Variants in KRTAP10-7 observed in about 807,000 individuals in gnomAD.
The protein encoded by KRTAP10-7 is keratin-associated protein 10-7.
For missense variants in KRTAP10-7, 394 were observed against 474.3 expected (o/e 0.83, Z 1.57); for synonymous variants, 162 against 199.6 (o/e 0.81, Z 1.59).
At position 44,602,036 on chromosome 21, in the gene KRTAP10-7, C is replaced by T. The variant is rs1209046893; in HGVS notation, c.*302C>T. ...GGGAGAAATGAGGGTAGACAGGTACCAACTGGGTTTCTCGTCACTGTCCCA... is the reference window on the plus strand; with the variant it reads ...GGGAGAAATGAGGGTAGACAGGTACTAACTGGGTTTCTCGTCACTGTCCCA... On this transcript the variant is annotated 3_prime_UTR_variant, in exon 1 of 1. Coordinates refer to ENST00000609664, the MANE Select transcript of KRTAP10-7 (RefSeq NM_198689.3). 3 of 508,196 alleles carry T rather than the reference C, an allele frequency of 5.9e-6. No individual in the cohort carries two copies. Among genetic ancestry groups the T allele is most frequent in the Non-Finnish European group, 1.1e-5 (3 of 279,958 alleles). The allele number at this position is 508,196 out of a possible 1,614,324, so 31.5% of individuals were successfully genotyped here.
In KRTAP10-7 at chr21:44,600,789, C is replaced by T. The variant is rs782438656; in HGVS notation, c.168C>T (p.Val56=). Residue 56 remains valine, a synonymous_variant, in exon 1 of 1, where the codon GTC becomes GTT. Coordinates refer to ENST00000609664, the MANE Select transcript of KRTAP10-7 (RefSeq NM_198689.3). ...CCAPAPCLSL[V]CTPVSYVSSP... ...CCCCGGCCCCCTGCCTGAGCCTGGT[C>T]TGCACCCCAGTGAGCTATGTGTCCA... is the stretch of plus-strand genomic sequence containing the variant. The T allele has an allele frequency of 1.6e-5, 25 of 1,598,994 alleles. 2 individuals carry two copies. Among genetic ancestry groups the T allele is most frequent in the Non-Finnish European group, 2.1e-5 (25 of 1,176,172 alleles).
the KRTAP10-7 span, chr21:44,601,075 C>T: frequency 2.5e-6 from 4 of 1,609,728 alleles, no homozygotes; most frequent in Middle Eastern, 1.7e-4. Flanking sequence ...CTCCCCCTGC[C>T]AGCAGGCCTG....
At position 44,600,659 on chromosome 21, in the gene KRTAP10-7, T is replaced by C; in HGVS notation, c.38T>C (p.Leu13Pro). The change falls in exon 1 of 1, where the codon CTG becomes CCG. Residue 13 changes from leucine (L) to proline (P), a missense_variant. Physicochemically the swap from Leu to Pro is moderately conservative, Grantham distance 98. Transcript: ENST00000609664. Reference sequence around the variant, plus strand: ...ACTATGTCTGTCTGCTCCAGCGACCTGAGCTACGGCAGCCGCGTCTGCCTT... The same window carrying C: ...ACTATGTCTGTCTGCTCCAGCGACCCGAGCTACGGCAGCCGCGTCTGCCTT... ...ASTMSVCSSD[L>P]SYGSRVCLPG... The C allele has an allele frequency of 1.2e-6, 2 of 1,613,798 alleles. No homozygotes were observed. Among genetic ancestry groups the C allele is most frequent in the Non-Finnish European group, 1.7e-6 (2 of 1,179,896 alleles).
rs782431198 is a variant in KRTAP10-7 at position 44,601,286 on chromosome 21, C to A, written c.665C>A (p.Ser222Tyr). The A allele has an allele frequency of 6.2e-7, 1 of 1,609,344 alleles. No individual in the cohort carries two copies. Among genetic ancestry groups the A allele is most frequent in the South Asian group, 1.1e-5 (1 of 90,478 alleles). Residue 222 changes from serine (S) to tyrosine (Y), a missense_variant, in exon 1 of 1, where the codon TCC becomes TAC. Coordinates refer to ENST00000609664, the MANE Select transcript of KRTAP10-7 (RefSeq NM_198689.3). ...SSCKPACCTSSPCQQACCVPV... is the reference protein window; with the variant it reads ...SSCKPACCTSYPCQQACCVPV... The stretch of plus-strand genomic sequence containing the variant: ...TGCAAGCCGGCTTGCTGCACCTCCT[C>A]CCCTTGCCAGCAGGCCTGCTGTGTG...
In KRTAP10-7 at chr21:44,601,281, C is replaced by G. The variant is rs781902497; in HGVS notation, c.660C>G (p.Thr220=). The change falls in exon 1 of 1, where the codon ACC becomes ACG. Residue 220 remains threonine (T), a synonymous_variant. Transcript: ENST00000609664. ...CTAGCTGCAAGCCGGCTTGCTGCAC[C>G]TCCTCCCCTTGCCAGCAGGCCTGCT... ...QQSSCKPACC[T]SSPCQQACCV... 6.2e-6 allele frequency: 10 copies of G among 1,609,172 alleles called. No homozygotes were observed. Among genetic ancestry groups the G allele is most frequent in the Admixed American group, 5.0e-5 (3 of 59,628 alleles).
At position 44,601,451 on chromosome 21, in the gene KRTAP10-7, T is replaced by G. The variant is rs782106365; in HGVS notation, c.830T>G (p.Val277Gly). 1.2e-6 allele frequency: 2 copies of G among 1,610,804 alleles called. No individual in the cohort carries two copies. Among genetic ancestry groups the G allele is most frequent in the Non-Finnish European group, 1.7e-6 (2 of 1,178,800 alleles). ...VPVCCKPVCC[V>G]PVCSGASTSC... ...GTCTGCTGTAAGCCTGTGTGCTGTG[T>G]GCCCGTCTGCTCTGGGGCTTCCACT... The change falls in exon 1 of 1, where the codon GTG (valine) becomes GGG (glycine). Residue 277 changes from valine (V) to glycine (G), a missense_variant. By Grantham distance (109) the Val-to-Gly change is moderately radical (BLOSUM62 -3). Coordinates refer to ENST00000609664, the MANE Select transcript of KRTAP10-7 (RefSeq NM_198689.3).
At chr21:44,600,659 TGA>T in the KRTAP10-7 span, 1 of 1,613,680 alleles carries the variant, frequency 6.2e-7, no homozygotes, top group African/African-American at 1.3e-5. Flanking sequence ...TCCAGCGACC[TGA>T]GCTACGGCAG....
At chr21:44,601,106 AG>A in the KRTAP10-7 span, 3 of 1,604,410 alleles carry the variant, frequency 1.9e-6, no homozygotes, top group African/African-American at 2.9e-5. Context: ...ATCTGCTGCA[AG>A]CCTGTCTGCT....
Position 44,601,299 on chromosome 21 carries a change from G to A in KRTAP10-7, c.678G>A (p.Gln226=), listed in dbSNP as rs782280612. 3 of 1,610,852 alleles carry A rather than the reference G, an allele frequency of 1.9e-6. No individual in the cohort carries two copies. The highest frequency in any genetic ancestry group is 1.7e-4 in the Middle Eastern group (1 of 6,044). The change falls in exon 1 of 1, where the codon CAG becomes CAA. Residue 226 remains glutamine (Q), a synonymous_variant. Coordinates refer to ENST00000609664, the MANE Select transcript of KRTAP10-7 (RefSeq NM_198689.3). ...GCTGCACCTCCTCCCCTTGCCAGCAGGCCTGCTGTGTGCCTGTCTGCTGCA... is the reference window on the plus strand; with the variant it reads ...GCTGCACCTCCTCCCCTTGCCAGCAAGCCTGCTGTGTGCCTGTCTGCTGCA... ...PACCTSSPCQ[Q]ACCVPVCCKP... is the part of the protein sequence containing the mutation.
In KRTAP10-7 at chr21:44,601,917, C is replaced by T. The variant is rs782704148; in HGVS notation, c.*183C>T. 11 of 912,226 alleles carry T rather than the reference C, an allele frequency of 1.2e-5. No homozygotes were observed. The highest frequency in any genetic ancestry group is 1.8e-5 in the Non-Finnish European group (11 of 610,526). 56.5% of individuals were successfully genotyped at this position (912,226 alleles called of 1,614,324 possible). On this transcript the variant is annotated 3_prime_UTR_variant, in exon 1 of 1. Transcript: ENST00000609664. Reference sequence around the variant, plus strand: ...GCTCAGCTGTTTCTCCAAGTCTTGACTTTCCCCCAATTACCCAGCCCTGCT... The same window carrying T: ...GCTCAGCTGTTTCTCCAAGTCTTGATTTTCCCCCAATTACCCAGCCCTGCT...
At position 44,601,893 on chromosome 21, in the gene KRTAP10-7, C is replaced by A; in HGVS notation, c.*159C>A. ...TGTGCGCTTCTCCTCCTAGAAGCAG[C>A]TCAGCTGTTTCTCCAAGTCTTGACT... is the stretch of plus-strand genomic sequence containing the variant. On this transcript the variant is annotated 3_prime_UTR_variant, in exon 1 of 1. Coordinates refer to ENST00000609664, the MANE Select transcript of KRTAP10-7 (RefSeq NM_198689.3). 2.9e-6 allele frequency: 3 copies of A among 1,040,164 alleles called. No individual in the cohort carries two copies. Among genetic ancestry groups the A allele is most frequent in the Non-Finnish European group, 4.1e-6 (3 of 725,878 alleles). The allele number at this position is 1,040,164 out of a possible 1,614,324, so 64.4% of individuals were successfully genotyped here. A position where few individuals can be genotyped will look rare whatever the true frequency, so the allele number is the denominator to read the frequency against.
Position 44,601,160 on chromosome 21 carries a change from G to A in KRTAP10-7, c.539G>A (p.Ser180Asn). The A allele has an allele frequency of 1.3e-6, 2 of 1,599,800 alleles. No homozygotes were observed. The highest frequency in any genetic ancestry group is 8.5e-7 in the Non-Finnish European group (1 of 1,177,656). Residue 180 changes from serine (S) to asparagine (N), a missense_variant, in exon 1 of 1, where the codon AGC (serine) becomes AAC (asparagine). Transcript: ENST00000609664. ...TGCTGCCAGCAGTCTAGCTGTGTGA[G>A]CTGTGTGTCCAGTCCCTGCTGCCAG... ...SSCCQQSSCV[S>N]CVSSPCCQAV...
In KRTAP10-7 at chr21:44,600,833, C is replaced by A. The variant is rs782792430; in HGVS notation, c.212C>A (p.Thr71Asn). 6.3e-7 allele frequency: 1 copy of A among 1,587,910 alleles called. No individual in the cohort carries two copies. Among genetic ancestry groups the A allele is most frequent in the African/African-American group, 1.5e-5 (1 of 65,532 alleles). ...SYVSSPCCRV[T>N]CEPSPCQSGC... ...GTGTCCAGCCCCTGCTGCCGAGTGA[C>A]CTGTGAGCCCAGCCCCTGCCAATCA... The change falls in exon 1 of 1, where the codon ACC (threonine) becomes AAC (asparagine). Residue 71 changes from threonine (T) to asparagine (N), a missense_variant. Coordinates refer to ENST00000609664, the MANE Select transcript of KRTAP10-7 (RefSeq NM_198689.3).
rs1213372112 is a variant in KRTAP10-7, at chr21:44,601,321, T to C, written c.700T>C (p.Cys234Arg). Reference protein sequence around the residue: ...CQQACCVPVCCKPVCCVPTCS... With the variant: ...CQQACCVPVCRKPVCCVPTCS... ...GCAGGCCTGCTGTGTGCCTGTCTGC[T>C]GCAAGCCCGTCTGCTGTGTGCCCAC... Residue 234 changes from cysteine (C) to arginine (R), a missense_variant, in exon 1 of 1, where the codon TGC becomes CGC. Coordinates refer to ENST00000609664, the MANE Select transcript of KRTAP10-7 (RefSeq NM_198689.3). The C allele has an allele frequency of 3.1e-6, 5 of 1,611,710 alleles. No individual in the cohort carries two copies. The highest frequency in any genetic ancestry group is 4.2e-6 in the Non-Finnish European group (5 of 1,178,764).
In KRTAP10-7 at chr21:44,601,020, T is replaced by G. The variant is rs782472801; in HGVS notation, c.399T>G (p.Ser133=). 4.3e-6 allele frequency: 7 copies of G among 1,610,330 alleles called. No homozygotes were observed. Among genetic ancestry groups the G allele is most frequent in the Admixed American group, 1.7e-5 (1 of 59,808 alleles). ...VYCVPVCSGD[S]SCCQQSSCQS... ...GTGTGCCTGTCTGCAGTGGGGATTC[T>G]TCATGCTGCCAGCAGTCTAGCTGCC... Residue 133 remains serine, a synonymous_variant, in exon 1 of 1, where the codon TCT becomes TCG. Coordinates refer to ENST00000609664, the MANE Select transcript of KRTAP10-7 (RefSeq NM_198689.3).
chr21:44,601,872 C>T lies in KRTAP10-7; in HGVS notation c.*138C>T, dbSNP rs1452896885. The stretch of plus-strand genomic sequence containing the variant: ...AGTGGTCAGCTGGCCATCCAGTGTG[C>T]GCTTCTCCTCCTAGAAGCAGCTCAG... On this transcript the variant is annotated 3_prime_UTR_variant, in exon 1 of 1. Coordinates refer to ENST00000609664, the MANE Select transcript of KRTAP10-7 (RefSeq NM_198689.3). The T allele has an allele frequency of 1.9e-5, 23 of 1,192,232 alleles. No homozygotes were observed. The highest frequency in any genetic ancestry group is 2.5e-4 in the Middle Eastern group (1 of 4,064). The allele number at this position is 1,192,232 out of a possible 1,614,324, so 73.9% of individuals were successfully genotyped here.
Position 44,601,959 on chromosome 21 carries a change from G to A in KRTAP10-7, c.*225G>A. 3 of 683,292 alleles carry A rather than the reference G, an allele frequency of 4.4e-6. No homozygotes were observed. The highest frequency in any genetic ancestry group is 7.4e-6 in the Non-Finnish European group (3 of 403,314). 42.3% of individuals were successfully genotyped at this position (683,292 alleles called of 1,614,324 possible). ...AGCCCTGCTTCCCCAGCAACAGGTGGGCAGTGACCCCAGCAAGGCCAGCGG... is the reference window on the plus strand; with the variant it reads ...AGCCCTGCTTCCCCAGCAACAGGTGAGCAGTGACCCCAGCAAGGCCAGCGG... On this transcript the variant is annotated 3_prime_UTR_variant, in exon 1 of 1. Coordinates refer to ENST00000609664, the MANE Select transcript of KRTAP10-7 (RefSeq NM_198689.3).
Position 44,602,005 on chromosome 21 carries a change from G to A in KRTAP10-7, c.*271G>A, listed in dbSNP as rs587650822. 1.5e-3 allele frequency: 877 copies of A among 576,842 alleles called. 6 individuals are homozygous for A. Among genetic ancestry groups the A allele is most frequent in the Non-Finnish European group, 2.3e-3 (731 of 316,612 alleles). 35.7% of individuals were successfully genotyped at this position (576,842 alleles called of 1,614,324 possible). A position where few individuals can be genotyped will look rare whatever the true frequency, so the allele number is the denominator to read the frequency against. ...AGCGGGTGCTCCCAGGCCATAGCCCGGTGTGGGGAGAAATGAGGGTAGACA... is the reference window on the plus strand; with the variant it reads ...AGCGGGTGCTCCCAGGCCATAGCCCAGTGTGGGGAGAAATGAGGGTAGACA... On this transcript the variant is annotated 3_prime_UTR_variant, in exon 1 of 1. Transcript: ENST00000609664.
rs782610939 is a variant in KRTAP10-7 at position 44,600,740 on chromosome 21, G to A, written c.119G>A (p.Ser40Asn). 3 of 1,611,114 alleles carry A rather than the reference G, an allele frequency of 1.9e-6. No homozygotes were observed. Among genetic ancestry groups the A allele is most frequent in the Non-Finnish European group, 2.5e-6 (3 of 1,179,760 alleles). Residue 40 changes from serine (S) to asparagine (N), a missense_variant, in exon 1 of 1, where the codon AGC becomes AAC. Transcript: ENST00000609664. ...TGGCAGGTGGACGACTGCCCAGAGA[G>A]CTGCTGCGAGCCCCCCTGCTGCGCC... ...DSWQVDDCPESCCEPPCCAPA... is the reference protein window; with the variant it reads ...DSWQVDDCPENCCEPPCCAPA...
Sources: allele counts gnomAD v4.1 joint callset, GRCh38; gene constraint gnomAD v4.1.1; transcripts MANE v1.5; gene names NCBI Gene and HGNC (gene_info 2026-07-23, HGNC 2026-07-21).